Variants in DLGAP2 observed in about 807,000 individuals in gnomAD.
DLGAP2 encodes the protein DLG associated protein 2.
Under a neutral mutation model 100.3 loss-of-function variants are expected in DLGAP2, and 26 were observed. The observed-to-expected ratio is 0.26, with a 90% CI of 0.19 to 0.36. The LOEUF (loss-of-function observed/expected upper bound fraction) is 0.36, where lower values mean the gene tolerates loss of function less well. DLGAP2 is among the 10% of genes least tolerant of loss of function. DLGAP2 has a pLI of 1.00. For synonymous variants in DLGAP2, 886 were observed against 630.1 expected (o/e 1.41, Z -6.08); for missense variants, 1,858 against 1,453.2 (o/e 1.28, Z -4.53).
intron 2 of DLGAP2, among the ~76,000 whole-genome samples, chr8:1,054,501 T>A (rs1471248666): frequency 6.6e-6 from 1 of 152,230 alleles, no homozygotes; most frequent in African/African-American, 2.4e-5. Flanking sequence ...GTCATTAAAG[T>A]AGTCTAACTT....
chr8:793,169 GAGTCTCTTTGTTCAC>G (rs1281567267), intron 1 of DLGAP2, among the ~76,000 whole-genome samples: 2 of 152,150 alleles, frequency 1.3e-5, no homozygotes, highest in Non-Finnish European at 2.9e-5. Context: ...ATCTTCTAGA[GAGTCTCTTTGTTCAC>G]ATCTGTGGGT....
chr8:913,299 A>G (rs929195937), intron 2 of DLGAP2, among the ~76,000 whole-genome samples: 1 of 152,200 alleles, frequency 6.6e-6, no homozygotes, highest in Non-Finnish European at 1.5e-5. Context: ...TCTGTTTGAT[A>G]ATTGTAAATC....
At position 1,519,653 on chromosome 8, in the gene DLGAP2, A is replaced by G. The variant is rs529650303; in HGVS notation, c.172+18222A>G. ...CCACCTCTTGCCTAAACTAGATTAA[A>G]TGTTCCAGACCCCAGAAGAAAAGTC... is the stretch of plus-strand genomic sequence containing the variant. On this transcript the variant is annotated intron_variant, in intron 4 of 14. Coordinates refer to ENST00000637795, the MANE Select transcript of DLGAP2 (RefSeq NM_001346810.2). 9.8e-5 allele frequency among the ~76,000 whole-genome samples: 15 copies of G among 152,298 alleles called. No homozygotes were observed. In the East Asian group the frequency reaches 2.9e-3, roughly 30 times the overall value.
chr8:1,489,430 C>G (rs900375574), intron 3 of DLGAP2, among the ~76,000 whole-genome samples: 15 of 152,182 alleles, frequency 9.9e-5, no homozygotes, highest in Admixed American at 8.5e-4. Context: ...ACAGCAGTCA[C>G]TCGGGGCTGA....
At chr8:1,613,473 C>T (rs1432855482) in intron 6 of DLGAP2, among the ~76,000 whole-genome samples, 10 of 150,896 alleles carry the variant, frequency 6.6e-5, no homozygotes, top group Non-Finnish European at 1.2e-4. Flanking sequence ...AGCGCACCAG[C>T]ATGGCACATG....
Position 1,172,562 on chromosome 8 carries a change from T to A in DLGAP2, c.74-86289T>A, listed in dbSNP as rs541344965. Among the ~76,000 whole-genome samples the A allele has an allele frequency of 1.7e-3, 263 of 152,302 alleles. 1 individual carries two copies. Among genetic ancestry groups the A allele is most frequent in the South Asian group, 0.011 (51 of 4,820 alleles). On this transcript the variant is annotated intron_variant, in intron 2 of 14. Transcript: ENST00000637795. ...TGGTCTTTTCACATAGTCCCATATT[T>A]CTTGGAGGCTTTGTTCGTTTCTTTT...
chr8:1,540,077 G>A (rs1801310149), intron 4 of DLGAP2, among the ~76,000 whole-genome samples: 1 of 152,178 alleles, frequency 6.6e-6, no homozygotes, highest in Non-Finnish European at 1.5e-5. Flanking sequence ...CTCCCTGGCA[G>A]TGCCGCCACA....
At chr8:1,483,416 G>C (rs147415846) in intron 3 of DLGAP2, among the ~76,000 whole-genome samples, 3 of 152,254 alleles carry the variant, frequency 2.0e-5, no homozygotes, top group Non-Finnish European at 4.4e-5. Context: ...TGGCTTGACG[G>C]ACCCAGAAGC....
chr8:1,675,896 T>G (rs1798800249), intron 10 of DLGAP2, among the ~76,000 whole-genome samples: 1 of 152,076 alleles, frequency 6.6e-6, no homozygotes. Context: ...TAGCTGATGA[T>G]CATTGCAAGG....
chr8:979,103 G>C (rs1000938337), intron 2 of DLGAP2, among the ~76,000 whole-genome samples: 1 of 152,072 alleles, frequency 6.6e-6, no homozygotes, highest in African/African-American at 2.4e-5. Flanking sequence ...CTAAATTGGG[G>C]GTGGGGGATG....
chr8:1,303,882 G>A (rs1190701844), intron 3 of DLGAP2, among the ~76,000 whole-genome samples: 9 of 152,196 alleles, frequency 5.9e-5, no homozygotes, highest in African/African-American at 2.2e-4. Flanking sequence ...GCCAGAGCCT[G>A]GGAGGTGGAG....
chr8:979,231 A>G (rs994506020), intron 2 of DLGAP2, among the ~76,000 whole-genome samples: 1 of 152,220 alleles, frequency 6.6e-6, no homozygotes, highest in Non-Finnish European at 1.5e-5. Context: ...TGGGATTATA[A>G]TGACAAACTA....
At chr8:927,395 G>C (rs1798839975) in intron 2 of DLGAP2, among the ~76,000 whole-genome samples, 1 of 152,138 alleles carries the variant, frequency 6.6e-6, no homozygotes, top group Non-Finnish European at 1.5e-5. Context: ...GGTCCCCAAG[G>C]CTCTTGGGTC....
chr8:1,455,594 G>A (rs961573701), intron 3 of DLGAP2, among the ~76,000 whole-genome samples: 7 of 152,244 alleles, frequency 4.6e-5, no homozygotes, highest in Non-Finnish European at 1.0e-4. Context: ...CTCGGTGGAG[G>A]CGGAGCGCAC....
intron 2 of DLGAP2, among the ~76,000 whole-genome samples, chr8:1,062,058 A>G (rs1803100988): frequency 6.7e-6 from 1 of 148,568 alleles, no homozygotes; most frequent in Non-Finnish European, 1.5e-5. Flanking sequence ...AAAAAAAAAC[A>G]GGAGATAGAG....
At chr8:764,622 C>G (rs913784693) in intron 1 of DLGAP2, among the ~76,000 whole-genome samples, 1 of 152,158 alleles carries the variant, frequency 6.6e-6, no homozygotes, top group Non-Finnish European at 1.5e-5. Flanking sequence ...AAATCACCCT[C>G]ATGTTATTGA....
intron 8 of DLGAP2, among the ~76,000 whole-genome samples, chr8:1,648,439 G>A (rs1259749767): frequency 6.6e-6 from 1 of 152,056 alleles, no homozygotes; most frequent in Non-Finnish European, 1.5e-5. Flanking sequence ...CCTGCGTGGT[G>A]TACTGTGAAA....
intron 1 of DLGAP2, among the ~76,000 whole-genome samples, chr8:749,552 G>A (rs10481385): frequency 0.14 from 21,045 of 151,936 alleles, 1,821 homozygotes; most frequent in East Asian, 0.33. Context: ...TAATGTTCCC[G>A]TATGGAGTGT....
intron 7 of DLGAP2, among the ~76,000 whole-genome samples, chr8:1,631,734 C>G (rs549762321): frequency 6.6e-6 from 1 of 152,216 alleles, no homozygotes; most frequent in Non-Finnish European, 1.5e-5. Flanking sequence ...TCTCCAGGGT[C>G]CATGCTGAGT....
Sources: gnomAD v4.1 joint callset for allele counts (sites outside exome capture counted in the v4.1 genomes callset) on GRCh38, gnomAD v4.1.1 for gene constraint, MANE v1.5 for transcripts, NCBI Gene and HGNC (gene_info 2026-07-23, HGNC 2026-07-21) for gene names.